MAJIN: variants seen among roughly 807,000 people sequenced by gnomAD.
The protein encoded by MAJIN is membrane-anchored junction protein.
A neutral mutation model predicts 30.2 loss-of-function variants in MAJIN; 27 were observed. The ratio of observed to expected loss-of-function variants is 0.89; its 90% CI spans 0.66 to 1.23. The LOEUF (loss-of-function observed/expected upper bound fraction) is 1.23, where lower values mean the gene tolerates loss of function less well. Among genes scored for constraint, MAJIN ranks in the 50% most tolerant of loss-of-function variants. The pLI, the probability that MAJIN is intolerant of heterozygous loss-of-function variation, is 0.00. For missense variants in MAJIN, 253 were observed against 260.3 expected (o/e 0.97, Z 0.19); for synonymous variants, 78 against 91.6 (o/e 0.85, Z 0.85).
intron 1 of MAJIN, among the ~76,000 whole-genome samples, chr11:64,968,311 C>T (rs1479974447): frequency 2.0e-5 from 3 of 152,008 alleles, no homozygotes; most frequent in African/African-American, 2.4e-5. Flanking sequence ...CTCTCTGGCG[C>T]CCAGGCTGGA....
At chr11:64,963,748 G>C (rs1201344894) in intron 1 of MAJIN, among the ~76,000 whole-genome samples, 1 of 152,132 alleles carries the variant, frequency 6.6e-6, no homozygotes, top group Non-Finnish European at 1.5e-5. Context: ...TGAGGCAAGA[G>C]AATCGCTTGA....
In MAJIN at chr11:64,938,336, G is replaced by A; in HGVS notation, c.*239C>T. 2 of 621,844 alleles carry A rather than the reference G, an allele frequency of 3.2e-6. No individual in the cohort carries two copies. Among genetic ancestry groups the A allele is most frequent in the African/African-American group, 1.8e-5 (1 of 54,416 alleles). The allele number at this position is 621,844 out of a possible 1,614,324, so 38.5% of individuals were successfully genotyped here. A position where few individuals can be genotyped will look rare whatever the true frequency, so the allele number is the denominator to read the frequency against. ...CATTTTAGAAAGTTCCATTCTTAATGTTTTAAATTGGGGGAAAAAATCTAT... is the reference window on the plus strand; with the variant it reads ...CATTTTAGAAAGTTCCATTCTTAATATTTTAAATTGGGGGAAAAAATCTAT... On this transcript the variant is annotated 3_prime_UTR_variant, in exon 11 of 11. Transcript: ENST00000301896.
At chr11:64,947,588 C>A in intron 7 of MAJIN, 123 bp from the exon 8 acceptor site, 2 of 1,083,706 alleles carry the variant, frequency 1.8e-6, no homozygotes, top group Non-Finnish European at 1.4e-6. Context: ...ACCAGCTTTG[C>A]AAGTAAGAAT....
intron 4 of MAJIN, among the ~76,000 whole-genome samples, chr11:64,951,098 A>C (rs544201613): frequency 6.6e-6 from 1 of 152,292 alleles, no homozygotes; most frequent in South Asian, 2.1e-4. Flanking sequence ...CCACATACAA[A>C]TGTTTTATAT....
At chr11:64,968,724 C>G (rs531202415) in intron 1 of MAJIN, among the ~76,000 whole-genome samples, 3 of 151,680 alleles carry the variant, frequency 2.0e-5, no homozygotes, top group African/African-American at 7.2e-5. Context: ...CCCAGCTACT[C>G]AGGAGGCTGA....
intron 4 of MAJIN, among the ~76,000 whole-genome samples, chr11:64,953,624 C>G (rs1382489574): frequency 6.6e-6 from 1 of 152,142 alleles, no homozygotes; most frequent in Non-Finnish European, 1.5e-5. Context: ...AACCCCGTCT[C>G]TACTAAAAAT....
At chr11:64,961,886 T>G (rs1228775464) in intron 1 of MAJIN, among the ~76,000 whole-genome samples, 4 of 151,232 alleles carry the variant, frequency 2.6e-5, no homozygotes, top group Non-Finnish European at 5.9e-5. Flanking sequence ...ACTCCTAGGC[T>G]CAAGGGATCC....
At chr11:64,957,491 C>G (rs1480293119) in intron 3 of MAJIN, among the ~76,000 whole-genome samples, 1 of 152,304 alleles carries the variant, frequency 6.6e-6, no homozygotes, top group East Asian at 1.9e-4. Flanking sequence ...GCAGCCTCTG[C>G]CTCCCAGGTT....
chr11:64,956,550 C>G (rs1024091044), intron 3 of MAJIN, among the ~76,000 whole-genome samples: 1 of 151,740 alleles, frequency 6.6e-6, no homozygotes, highest in East Asian at 1.9e-4. Context: ...ACAACAAAGA[C>G]CAGTGGATTT....
At chr11:64,956,552 A>T (rs1945635609) in intron 3 of MAJIN, among the ~76,000 whole-genome samples, 1 of 152,036 alleles carries the variant, frequency 6.6e-6, no homozygotes, top group Non-Finnish European at 1.5e-5. Context: ...AACAAAGACC[A>T]GTGGATTTTA....
Position 64,938,395 on chromosome 11 carries a change from A to G in MAJIN, c.*180T>C. 2.0e-6 allele frequency: 2 copies of G among 977,818 alleles called. No individual in the cohort carries two copies. Among genetic ancestry groups the G allele is most frequent in the Non-Finnish European group, 1.5e-6 (1 of 648,268 alleles). The allele number at this position is 977,818 out of a possible 1,614,324, so 60.6% of individuals were successfully genotyped here. A position where few individuals can be genotyped will look rare whatever the true frequency, so the allele number is the denominator to read the frequency against. On this transcript the variant is annotated 3_prime_UTR_variant, in exon 11 of 11. Transcript: ENST00000301896. ...GGCAAAGGACACGATAAAACCACAGAGGACTCAGCATGGGGACCTCATTCC... is the reference window on the plus strand; with the variant it reads ...GGCAAAGGACACGATAAAACCACAGGGGACTCAGCATGGGGACCTCATTCC...
At chr11:64,965,155 G>T (rs1320844509) in intron 1 of MAJIN, among the ~76,000 whole-genome samples, 1 of 152,146 alleles carries the variant, frequency 6.6e-6, no homozygotes. Flanking sequence ...CATGTTTATT[G>T]ACATCATTCT....
At chr11:64,945,998 T>C in intron 8 of MAJIN, 4 of 1,270,826 alleles carry the variant, frequency 3.1e-6, no homozygotes, top group Non-Finnish European at 3.1e-6. Flanking sequence ...CAAGATGTGC[T>C]GGTAACCGGA....
chr11:64,968,691 G>A (rs199831505), intron 1 of MAJIN, among the ~76,000 whole-genome samples: 1 of 151,898 alleles, frequency 6.6e-6, no homozygotes, highest in Non-Finnish European at 1.5e-5. Flanking sequence ...AATTAGCTGG[G>A]CGTGGTGGCG....
At chr11:64,938,650 A>C in intron 10 of MAJIN, 77 bp from the exon 11 acceptor site, 1 of 1,466,364 alleles carries the variant, frequency 6.8e-7, no homozygotes, top group Non-Finnish European at 9.2e-7. Context: ...TTAGTGCTTC[A>C]CTAGCTAGGG....
chr11:64,970,456 T>A (rs1159468778), intron 1 of MAJIN, among the ~76,000 whole-genome samples: 1 of 124,278 alleles, frequency 8.0e-6, no homozygotes, highest in Non-Finnish European at 1.6e-5. Flanking sequence ...AACCTCCACC[T>A]CCTGGGTTCA....
In MAJIN at chr11:64,939,760, C is replaced by T. The variant is rs758734857; in HGVS notation, c.554G>A (p.Ser185Asn). 9.3e-6 allele frequency: 15 copies of T among 1,613,568 alleles called. No homozygotes were observed. The Middle Eastern group carries it at 4.9e-4, about 53-fold the overall frequency. Residue 185 changes from serine to asparagine, a missense_variant, in exon 10 of 11, where the codon AGT (serine) becomes AAT (asparagine). Coordinates refer to ENST00000301896, the MANE Select transcript of MAJIN (RefSeq NM_001037225.3). Reference protein sequence around the residue: ...ISLMSRNKILSGDTACQGELS... With the variant: ...ISLMSRNKILNGDTACQGELS... ...TTCGCCCTGGCAGGCTGTGTCCCCA[C>T]TCAGAATCTGTAAGGAAAACAATCA...
intron 8 of MAJIN, among the ~76,000 whole-genome samples, chr11:64,944,629 A>T (rs1945423509): frequency 1.3e-5 from 2 of 152,224 alleles, no homozygotes; most frequent in Non-Finnish European, 2.9e-5. Context: ...ACTGCACTCC[A>T]GCCTGGGCAA....
chr11:64,965,446 T>C (rs758750966), intron 1 of MAJIN, among the ~76,000 whole-genome samples: 2 of 152,090 alleles, frequency 1.3e-5, no homozygotes, highest in South Asian at 2.1e-4. Flanking sequence ...TTAGTTTCTC[T>C]TTGTTACTCT....
Sources: allele counts gnomAD v4.1 joint callset (sites outside exome capture counted in the v4.1 genomes callset), GRCh38; gene constraint gnomAD v4.1.1; transcripts MANE v1.5; gene names NCBI Gene and HGNC (gene_info 2026-07-23, HGNC 2026-07-21).